The following GGACT variants were observed in gnomAD, a reference collection of about 807,000 sequenced individuals.
GGACT encodes the protein gamma-glutamylaminecyclotransferase.
For synonymous variants in GGACT, 118 were observed against 115.3 expected, an observed-to-expected ratio of 1.02 and a Z score of -0.15; for missense variants, 241 against 233.2, an observed-to-expected ratio of 1.03 and a Z score of -0.22.
chr13:100,574,569 C>T (rs1875194647), intron 2 of GGACT, among the ~76,000 whole-genome samples: 1 of 152,152 alleles, frequency 6.6e-6, no homozygotes, highest in Middle Eastern at 3.4e-3. Flanking sequence ...GAGCGAGACC[C>T]CATCTCAAAA....
chr13:100,579,825 C>T (rs765297593), intron 2 of GGACT, among the ~76,000 whole-genome samples: 10 of 152,178 alleles, frequency 6.6e-5, no homozygotes, highest in East Asian at 1.9e-4. Context: ...TGATTGAACA[C>T]GTTTTGCTTT....
chr13:100,588,551 C>A (rs1486091144), intron 1 of GGACT, 190 bp downstream of exon 1: 1 of 152,122 alleles, frequency 6.6e-6, no homozygotes, highest in African/African-American at 2.4e-5. Flanking sequence ...CCGTCCCCTC[C>A]CTCCGGCTGG....
At chr13:100,575,245 A>G (rs972541713) in intron 2 of GGACT, among the ~76,000 whole-genome samples, 1 of 152,208 alleles carries the variant, frequency 6.6e-6, no homozygotes, top group African/African-American at 2.4e-5. Context: ...AATTTACAGA[A>G]GGACCTCCAT....
Position 100,533,030 on chromosome 13 carries a change from G to A in GGACT, c.-10-429C>T, listed in dbSNP as rs540186248. On this transcript the variant is annotated intron_variant, in intron 2 of 2. Transcript: ENST00000683975. Reference sequence around the variant, plus strand: ...CCCCACACCACCTGGATGGACTAATGTTCCTCAGCCCTGCAGGGGCAGCCC... The same window carrying A: ...CCCCACACCACCTGGATGGACTAATATTCCTCAGCCCTGCAGGGGCAGCCC... Among the ~76,000 whole-genome samples the A allele has an allele frequency of 3.3e-5, 5 of 152,322 alleles. No individual in the cohort carries two copies. In the South Asian group the frequency reaches 8.3e-4, roughly 25 times the overall value.
intron 1 of GGACT, among the ~76,000 whole-genome samples, chr13:100,588,179 G>A (rs912331687): frequency 6.6e-6 from 1 of 152,186 alleles, no homozygotes; most frequent in Non-Finnish European, 1.5e-5. Flanking sequence ...AAACAGCAAT[G>A]ATAACCATAA....
intron 2 of GGACT, among the ~76,000 whole-genome samples, chr13:100,576,087 A>C (rs1226440961): frequency 6.6e-6 from 1 of 152,236 alleles, no homozygotes; most frequent in Non-Finnish European, 1.5e-5. Context: ...ACTCTTATCT[A>C]TATAATATCC....
intron 2 of GGACT, among the ~76,000 whole-genome samples, chr13:100,532,925 C>T (rs997140814): frequency 2.0e-5 from 3 of 152,214 alleles, no homozygotes; most frequent in Admixed American, 2.0e-4. Flanking sequence ...GAGAAAGGGG[C>T]ACACATTGGT....
intron 2 of GGACT, among the ~76,000 whole-genome samples, chr13:100,546,752 G>A (rs934339166): frequency 6.6e-6 from 1 of 152,202 alleles, no homozygotes; most frequent in African/African-American, 2.4e-5. Flanking sequence ...GCCAAGTTGC[G>A]AGGCTGAGCT....
chr13:100,571,480 GTTTTAA>G (rs1594196387), intron 2 of GGACT, among the ~76,000 whole-genome samples: 1 of 151,686 alleles, frequency 6.6e-6, no homozygotes, highest in Non-Finnish European at 1.5e-5. Flanking sequence ...TCTTTTTTTA[GTTTTAA>G]TTTTAATTTT....
chr13:100,566,441 C>A (rs753945503), intron 2 of GGACT, among the ~76,000 whole-genome samples: 1 of 152,256 alleles, frequency 6.6e-6, no homozygotes, highest in Non-Finnish European at 1.5e-5. Flanking sequence ...TGGCAAAATC[C>A]TCCTTGTGCT....
chr13:100,552,871 G>C (rs903184507), intron 2 of GGACT, among the ~76,000 whole-genome samples: 8 of 152,152 alleles, frequency 5.3e-5, no homozygotes, highest in Admixed American at 3.9e-4. Flanking sequence ...CTCTAGAGTG[G>C]GGACAATGAG....
Position 100,534,130 on chromosome 13 carries a change from T to C in GGACT, c.-10-1529A>G, listed in dbSNP as rs2088457062. ...TTTCTTCTCAGCAAACAAGAGCTGCTCTGGGGGGTTCTAGGCCTCATTTTG... is the reference window on the plus strand; with the variant it reads ...TTTCTTCTCAGCAAACAAGAGCTGCCCTGGGGGGTTCTAGGCCTCATTTTG... On this transcript the variant is annotated intron_variant, in intron 2 of 2. Coordinates refer to ENST00000683975, the MANE Select transcript of GGACT (RefSeq NM_001195087.2). This position sits in a 1 kb window ranked among gnomAD's most constrained non-coding sequence, Gnocchi z 4.9. Among the ~76,000 whole-genome samples the C allele has an allele frequency of 6.6e-6, 1 of 152,190 alleles. No homozygotes were observed. Among genetic ancestry groups the C allele is most frequent in the Non-Finnish European group, 1.5e-5 (1 of 68,036 alleles).
At chr13:100,551,802 T>A (rs1464279452) in intron 2 of GGACT, among the ~76,000 whole-genome samples, 1 of 152,244 alleles carries the variant, frequency 6.6e-6, no homozygotes, top group Non-Finnish European at 1.5e-5. Flanking sequence ...ATGATTATAC[T>A]TATTTTCAGG....
chr13:100,574,176 T>C (rs1024115475), intron 2 of GGACT, among the ~76,000 whole-genome samples: 5 of 152,198 alleles, frequency 3.3e-5, no homozygotes, highest in African/African-American at 1.2e-4. Flanking sequence ...ATGTGGCACA[T>C]ATACACCATG....
chr13:100,557,516 G>C (rs2088719001), intron 2 of GGACT, among the ~76,000 whole-genome samples: 2 of 126,962 alleles, frequency 1.6e-5, no homozygotes, highest in African/African-American at 6.1e-5. Flanking sequence ...GTAATTCAAT[G>C]GGGAATCTAT....
rs1217067139 is a variant in GGACT, at chr13:100,532,601, G to A, written c.-10C>T. 2 of 1,526,628 alleles carry A rather than the reference G, an allele frequency of 1.3e-6. No homozygotes were observed. The highest frequency in any genetic ancestry group is 8.8e-7 in the Non-Finnish European group (1 of 1,130,910). 94.6% of individuals were successfully genotyped at this position (1,526,628 alleles called of 1,614,324 possible). ...CGAAGACTAGGGCCATCCGGGCAGA[G>A]CTGCAGGGAGAGGGGAAGTCACAGG... On this transcript the variant is annotated splice_region_variant and 5_prime_UTR_variant, in exon 3 of 3. Transcript: ENST00000683975.
At chr13:100,562,795 CAAA>C (rs201672312) in intron 2 of GGACT, among the ~76,000 whole-genome samples, 22 of 123,612 alleles carry the variant, frequency 1.8e-4, no homozygotes, top group Non-Finnish European at 2.2e-4. Context: ...GACAATGTCT[CAAA>C]AAAAAAAAAA....
chr13:100,551,449 G>A (rs944657075), intron 2 of GGACT, among the ~76,000 whole-genome samples: 2 of 152,188 alleles, frequency 1.3e-5, no homozygotes, highest in Non-Finnish European at 2.9e-5. Flanking sequence ...CCACCTGCCA[G>A]AACTGGTATT....
chr13:100,560,871 G>A (rs568587542), intron 2 of GGACT, among the ~76,000 whole-genome samples: 139 of 152,316 alleles, frequency 9.1e-4, no homozygotes, highest in Admixed American at 4.0e-3. Flanking sequence ...CTAGCAAGAC[G>A]GATGTGTGGG....
Sources: gnomAD v4.1 joint callset for allele counts (sites outside exome capture counted in the v4.1 genomes callset) on GRCh38, gnomAD v4.1.1 for gene constraint, Gnocchi (gnomAD v3.1) non-coding constraint, MANE v1.5 for transcripts, NCBI Gene and HGNC (gene_info 2026-07-23, HGNC 2026-07-21) for gene names.